The following DENND2A variants were observed in gnomAD, a reference collection of about 807,000 sequenced individuals.
DENND2A encodes DENN domain-containing protein 2A.
Under a neutral mutation model 105.3 loss-of-function variants are expected in DENND2A, and 53 were observed. The ratio of observed to expected loss-of-function variants is 0.50; its 90% CI spans 0.40 to 0.63. The LOEUF (loss-of-function observed/expected upper bound fraction) is 0.63, where lower values mean the gene tolerates loss of function less well. Ranked by LOEUF, DENND2A falls within the 30% of genes least tolerant of loss-of-function variation. DENND2A has a pLI of 0.00. For synonymous variants in DENND2A, 522 were observed against 508.4 expected (o/e 1.03, Z -0.36); for missense variants, 1,138 against 1,279.6 (o/e 0.89, Z 1.69).
At chr7:140,628,041 C>T (rs1309315040) in intron 1 of DENND2A, among the ~76,000 whole-genome samples, 5 of 151,994 alleles carry the variant, frequency 3.3e-5, no homozygotes, top group Admixed American at 1.3e-4. Flanking sequence ...CTGACAGCTT[C>T]GGCCTCCCAA....
chr7:140,544,322 G>A, intron 14 of DENND2A: 1 of 494,478 alleles, frequency 2.0e-6, no homozygotes, highest in African/African-American at 1.9e-5. Flanking sequence ...AGCCTCCCAA[G>A]TAGCTGGGAT....
At chr7:140,596,831 A>G (rs1799304166) in intron 3 of DENND2A, among the ~76,000 whole-genome samples, 1 of 152,228 alleles carries the variant, frequency 6.6e-6, no homozygotes, top group African/African-American at 2.4e-5. Context: ...TGGTGCTCAC[A>G]CTTAAAGAGT....
chr7:140,526,730 T>C (rs1288440808), intron 15 of DENND2A, among the ~76,000 whole-genome samples: 1 of 152,158 alleles, frequency 6.6e-6, no homozygotes, highest in Non-Finnish European at 1.5e-5. Context: ...CAGACACAAA[T>C]GCAGGACAGA....
At chr7:140,631,010 C>T (rs554394452) in intron 1 of DENND2A, among the ~76,000 whole-genome samples, 1 of 152,216 alleles carries the variant, frequency 6.6e-6, no homozygotes, top group South Asian at 2.1e-4. Flanking sequence ...CCCTATTTAC[C>T]AACCAGAATA....
At chr7:140,600,786 C>T (rs1240714020) in intron 3 of DENND2A, among the ~76,000 whole-genome samples, 3 of 152,084 alleles carry the variant, frequency 2.0e-5, no homozygotes, top group Non-Finnish European at 2.9e-5. Flanking sequence ...GGTATCAAAC[C>T]AACTAGCATG....
At position 140,544,643 on chromosome 7, in the gene DENND2A, C is replaced by A. The variant is rs1453366896; in HGVS notation, c.2302G>T (p.Val768Phe). Residue 768 changes from valine (V) to phenylalanine (F), a missense_variant, in exon 14 of 20, where the codon GTC becomes TTC. Val to Phe is a conservative substitution (Grantham distance 50). This residue lies in a region of DENND2A where 627 missense variants were observed against 779.8 expected (regional missense o/e 0.80). Coordinates refer to ENST00000496613, the MANE Select transcript of DENND2A (RefSeq NM_015689.5). ...CTGAGCTTGTCTGCAATGAAGATGACCCTCCTCTCCAGAAGCAGGGAGGCA... is the reference window on the plus strand; with the variant it reads ...CTGAGCTTGTCTGCAATGAAGATGAACCTCCTCTCCAGAAGCAGGGAGGCA... ...VFASLLLERR[V>F]IFIADKLSIL... 2 of 1,614,030 alleles carry A rather than the reference C, an allele frequency of 1.2e-6. No individual in the cohort carries two copies. Among genetic ancestry groups the A allele is most frequent in the African/African-American group, 2.7e-5 (2 of 74,922 alleles).
chr7:140,554,494 G>A, intron 12 of DENND2A, among the ~76,000 whole-genome samples: 1 of 152,046 alleles, frequency 6.6e-6, no homozygotes, highest in East Asian at 1.9e-4. Flanking sequence ...AAATTAGCCA[G>A]GCGTGGTGGC....
At chr7:140,549,722 T>C (rs1488910542) in intron 12 of DENND2A, among the ~76,000 whole-genome samples, 2 of 152,198 alleles carry the variant, frequency 1.3e-5, no homozygotes, top group African/African-American at 4.8e-5. Context: ...GACCATATGA[T>C]CCAGCAACTC....
At chr7:140,583,852 G>A (rs574407819) in intron 5 of DENND2A, among the ~76,000 whole-genome samples, 2 of 149,176 alleles carry the variant, frequency 1.3e-5, no homozygotes, top group African/African-American at 5.2e-5. Context: ...CGTAAACCTG[G>A]GAGGTGGAGC....
chr7:140,521,938 C>T lies in DENND2A; in HGVS notation c.2828G>A (p.Arg943His), dbSNP rs779960525. The T allele has an allele frequency of 9.9e-6, 16 of 1,614,136 alleles. No homozygotes were observed. In the Admixed American group the frequency reaches 1.0e-4, roughly 10 times the overall value. Residue 943 changes from arginine (R) to histidine (H), a missense_variant, in exon 18 of 20, where the codon CGC becomes CAC. By Grantham distance (29) the Arg-to-His change is conservative (BLOSUM62 0). Coordinates refer to ENST00000496613, the MANE Select transcript of DENND2A (RefSeq NM_015689.5). Reference protein sequence around the residue: ...FRKAVSSKSLRHFLEVFMETQ... With the variant: ...FRKAVSSKSLHHFLEVFMETQ... ...CTCCATGAAGACCTCCAGGAAGTGG[C>T]GGAGGCTCTTGGAGGAGACAGCTTT...
intron 8 of DENND2A, among the ~76,000 whole-genome samples, chr7:140,567,511 C>A (rs1797916873): frequency 6.6e-6 from 1 of 152,180 alleles, no homozygotes. Flanking sequence ...TGCCAAAGTT[C>A]TGGGAGAACC....
intron 5 of DENND2A, among the ~76,000 whole-genome samples, chr7:140,574,224 GTTTC>G (rs1466157000): frequency 1.3e-5 from 2 of 152,118 alleles, no homozygotes; most frequent in South Asian, 2.1e-4. Context: ...ATCTAATTCA[GTTTC>G]TTTTTTTTGA....
intron 14 of DENND2A, among the ~76,000 whole-genome samples, chr7:140,537,430 A>C (rs1249955933): frequency 6.6e-6 from 1 of 152,196 alleles, no homozygotes; most frequent in African/African-American, 2.4e-5. Flanking sequence ...CAAACATATA[A>C]GTCAATTTCT....
At position 140,559,275 on chromosome 7, in the gene DENND2A, C is replaced by CA. The variant is rs1431768982; in HGVS notation, c.1889+432dup. Among the ~76,000 whole-genome samples, 1 of 152,196 alleles carries CA rather than the reference C, an allele frequency of 6.6e-6. No individual in the cohort carries two copies. The highest frequency in any genetic ancestry group is 1.5e-5 in the Non-Finnish European group (1 of 68,046). Reference sequence around the variant, plus strand: ...CGGTACCCCTTAAAGACAGGACCCGCAGCCTACTGAGTTTGGCCAAATGCG... The same window carrying CA: ...CGGTACCCCTTAAAGACAGGACCCGCAAGCCTACTGAGTTTGGCCAAATGCG... On this transcript the variant is annotated intron_variant, in intron 10 of 19. Transcript: ENST00000496613. The surrounding 1 kb of genome is among the most constrained non-coding windows in gnomAD (Gnocchi z 4.1).
Position 140,527,228 on chromosome 7 carries a change from G to C in DENND2A, c.2505+90C>G. On this transcript the variant is annotated intron_variant, in intron 15 of 19. Coordinates refer to ENST00000496613, the MANE Select transcript of DENND2A (RefSeq NM_015689.5). The surrounding 1 kb of genome is among the most constrained non-coding windows in gnomAD (Gnocchi z 4.9). ...CCTGCTCCCCAACACTGCTGGCTCT[G>C]AGAACCGCTCCATGATGCCTGCAGA... is the stretch of plus-strand genomic sequence containing the variant. The C allele has an allele frequency of 7.2e-7, 1 of 1,388,498 alleles. No homozygotes were observed. The highest frequency in any genetic ancestry group is 9.6e-7 in the Non-Finnish European group (1 of 1,045,374). 86.0% of individuals were successfully genotyped at this position (1,388,498 alleles called of 1,614,324 possible). A position where few individuals can be genotyped will look rare whatever the true frequency, so the allele number is the denominator to read the frequency against.
In DENND2A at chr7:140,555,625, C is replaced by G. The variant is rs748438234; in HGVS notation, c.2037+11G>C. 1.4e-5 allele frequency: 23 copies of G among 1,611,218 alleles called. No individual in the cohort carries two copies. The highest frequency in any genetic ancestry group is 2.0e-5 in the Non-Finnish European group (23 of 1,179,092). The stretch of plus-strand genomic sequence containing the variant: ...CTTCCCTTCCTCTTTCTCTGAGGTC[C>G]AAGTTCTCACCCTTGAAAAGAGGCT... On this transcript the variant is annotated intron_variant, in intron 12 of 19. Coordinates refer to ENST00000496613, the MANE Select transcript of DENND2A (RefSeq NM_015689.5).
chr7:140,548,832 C>T (rs1487311070), intron 12 of DENND2A, among the ~76,000 whole-genome samples: 3 of 150,666 alleles, frequency 2.0e-5, no homozygotes, highest in South Asian at 2.2e-4. Flanking sequence ...AGGCTGGTCT[C>T]GAACTCCCGA....
chr7:140,628,716 A>G (rs1383575641), intron 1 of DENND2A, among the ~76,000 whole-genome samples: 2 of 151,210 alleles, frequency 1.3e-5, no homozygotes, highest in African/African-American at 4.9e-5. Flanking sequence ...ATTTTTTTGT[A>G]TTTTTAGTAG....
chr7:140,530,955 C>T (rs370128871), intron 14 of DENND2A, among the ~76,000 whole-genome samples: 1 of 152,202 alleles, frequency 6.6e-6, no homozygotes, highest in South Asian at 2.1e-4. Flanking sequence ...TGGTCTCGAA[C>T]TCCTGACCTC....
Sources: gnomAD v4.1 joint callset for allele counts (sites outside exome capture counted in the v4.1 genomes callset) on GRCh38, gnomAD v4.1.1 for gene constraint, gnomAD v4.1.1 regional missense constraint, Gnocchi (gnomAD v3.1) non-coding constraint, MANE v1.5 for transcripts, NCBI Gene and HGNC (gene_info 2026-07-23, HGNC 2026-07-21) for gene names.